Variants in ANKHD1 observed in about 807,000 individuals in gnomAD.
ANKHD1 encodes ankyrin repeat and KH domain containing 1, also known as ankyrin repeat and KH domain-containing protein 1.
A neutral mutation model predicts 230.5 loss-of-function variants in ANKHD1; 31 were observed. That is an observed-to-expected ratio of 0.13 (90% CI 0.10 to 0.18). ANKHD1 has a LOEUF of 0.18. ANKHD1 is among the 10% of genes least tolerant of loss of function. The pLI is 1.00. For synonymous variants in ANKHD1, 1,074 were observed against 1,117.6 expected, an observed-to-expected ratio of 0.96 and a Z score of 0.78; for missense variants, 2,256 against 3,071.3, an observed-to-expected ratio of 0.73 and a Z score of 6.27.
chr5:140,526,940 A>T lies in ANKHD1; in HGVS notation c.4953A>T (p.Glu1651Asp). The change falls in exon 27 of 34, where the codon GAA becomes GAT. Residue 1651 changes from glutamate (E) to aspartate (D), a missense_variant. Coordinates refer to ENST00000360839, the MANE Select transcript of ANKHD1 (RefSeq NM_017747.3). The part of the protein sequence containing the change: ...TSKTQTRLEG[E>D]VTPNSLSTSY... ...TGTCTCTTCTTAGACTTGAAGGTGA[A>T]GTGACTCCTAATTCCTTGTCAACCA... 1 of 1,610,512 alleles carries T rather than the reference A, an allele frequency of 6.2e-7. No individual in the cohort carries two copies. Among genetic ancestry groups the T allele is most frequent in the Non-Finnish European group, 8.5e-7 (1 of 1,178,930 alleles).
chr5:140,509,910 TAAGAA>T, intron 21 of ANKHD1, 98 bp downstream of exon 21: 1 of 1,543,596 alleles, frequency 6.5e-7, no homozygotes, highest in Non-Finnish European at 8.7e-7. Context: ...TTGATATTGT[TAAGAA>T]AAGATTATTT....
chr5:140,537,546 T>C lies in ANKHD1; in HGVS notation c.7185T>C (p.Val2395=). 1.2e-6 allele frequency: 2 copies of C among 1,608,268 alleles called. No individual in the cohort carries two copies. Among genetic ancestry groups the C allele is most frequent in the Non-Finnish European group, 1.7e-6 (2 of 1,176,998 alleles). ...CGGGGACCAGTTTTGTCGCTCCCGT[T>C]GGACACAGTGGAATCTGGTCATTTG... ...APAGTSFVAP[V]GHSGIWSFGV... is the part of the protein sequence containing the mutation. Residue 2395 remains valine, a synonymous_variant, in exon 31 of 34, where the codon GTT becomes GTC. Transcript: ENST00000360839.
At chr5:140,476,938 A>G (rs937903223) in intron 10 of ANKHD1, among the ~76,000 whole-genome samples, 19 of 152,160 alleles carry the variant, frequency 1.2e-4, no homozygotes, top group African/African-American at 3.4e-4. Flanking sequence ...TCAGGAGGAG[A>G]AGGTACTGAA....
At chr5:140,480,415 A>G (rs1300883328) in intron 10 of ANKHD1, among the ~76,000 whole-genome samples, 3 of 152,138 alleles carry the variant, frequency 2.0e-5, no homozygotes, top group African/African-American at 7.2e-5. Flanking sequence ...ATTCTAAATC[A>G]GGGCTGAAAG....
chr5:140,455,260 T>G (rs1775082067), intron 7 of ANKHD1, among the ~76,000 whole-genome samples: 1 of 152,144 alleles, frequency 6.6e-6, no homozygotes, highest in Admixed American at 6.6e-5. Flanking sequence ...ACCAGATGGA[T>G]TCACTGCTGA....
At chr5:140,445,559 A>G (rs201569439) in intron 5 of ANKHD1, among the ~76,000 whole-genome samples, 183 bp from the exon 6 acceptor site, 4 of 151,578 alleles carry the variant, frequency 2.6e-5, no homozygotes, top group Admixed American at 2.6e-4. Flanking sequence ...AACGAAAAAA[A>G]GTTGAGATAA....
At chr5:140,412,210 G>A (rs1770991738) in intron 1 of ANKHD1, among the ~76,000 whole-genome samples, 1 of 151,874 alleles carries the variant, frequency 6.6e-6, no homozygotes, top group South Asian at 2.1e-4. Context: ...CTAATTTGTT[G>A]TATTTTTAGT....
intron 1 of ANKHD1, among the ~76,000 whole-genome samples, chr5:140,435,896 C>A (rs566720624): frequency 1.8e-4 from 28 of 152,274 alleles, no homozygotes; most frequent in Admixed American, 5.9e-4. Context: ...GAGGAAACTT[C>A]AGTGTATGTG....
Position 140,496,630 on chromosome 5 carries a change from C to T in ANKHD1, c.2356C>T (p.Leu786=). Reference sequence around the variant, plus strand: ...CATAGTAGAGGAGACTGAAGGCAAGCTGAATGAACTGGGACAAAGAATTAG... The same window carrying T: ...CATAGTAGAGGAGACTGAAGGCAAGTTGAATGAACTGGGACAAAGAATTAG... ...ECIVEETEGK[L]NELGQRISAI... Residue 786 remains leucine, a synonymous_variant, in exon 15 of 34, where the codon CTG becomes TTG. Coordinates refer to ENST00000360839, the MANE Select transcript of ANKHD1 (RefSeq NM_017747.3). 1 of 1,613,650 alleles carries T rather than the reference C, an allele frequency of 6.2e-7. No homozygotes were observed. The highest frequency in any genetic ancestry group is 8.5e-7 in the Non-Finnish European group (1 of 1,179,944).
intron 24 of ANKHD1, among the ~76,000 whole-genome samples, chr5:140,518,963 G>A (rs1445317330): frequency 1.3e-5 from 2 of 152,068 alleles, no homozygotes; most frequent in African/African-American, 4.8e-5. Flanking sequence ...AGGAAATAAA[G>A]GGTATTCAAT....
intron 5 of ANKHD1, among the ~76,000 whole-genome samples, chr5:140,443,877 A>T (rs1318117492): frequency 6.6e-6 from 1 of 152,142 alleles, no homozygotes; most frequent in Non-Finnish European, 1.5e-5. Flanking sequence ...AGAGGAGTTG[A>T]TCTAAAGTAG....
At chr5:140,410,268 A>T (rs1339110236) in intron 1 of ANKHD1, among the ~76,000 whole-genome samples, 2 of 152,134 alleles carry the variant, frequency 1.3e-5, no homozygotes, top group Admixed American at 1.3e-4. Context: ...TGAAATTTTT[A>T]AATGGTAAAT....
rs1349815705 is a variant in ANKHD1, at chr5:140,507,992, G to A, written c.3759G>A (p.Arg1253=). ...ACCGAAAAGCCAATGTTGAACATAG[G>A]GCAAAGGTAAGCATTTTTTACTTGT... ...LLDRKANVEH[R]AKTGLTPLME... is the part of the protein sequence containing the mutation. The change falls in exon 20 of 34, where the codon AGG becomes AGA. Residue 1253 remains arginine (R), a synonymous_variant. Coordinates refer to ENST00000360839, the MANE Select transcript of ANKHD1 (RefSeq NM_017747.3). This position sits in a 1 kb window ranked among gnomAD's most constrained non-coding sequence, Gnocchi z 4.1. The A allele has an allele frequency of 1.9e-6, 3 of 1,610,524 alleles. No individual in the cohort carries two copies. Among genetic ancestry groups the A allele is most frequent in the Non-Finnish European group, 2.5e-6 (3 of 1,177,592 alleles).
chr5:140,509,959 A>G, intron 21 of ANKHD1, 60 bp from the exon 22 acceptor site: 1 of 1,552,000 alleles, frequency 6.4e-7, no homozygotes, highest in East Asian at 2.3e-5. Context: ...AGATAGAGAA[A>G]ACTAGAAAAA....
Position 140,485,297 on chromosome 5 carries a change from C to T in ANKHD1, c.1998+49C>T. The T allele has an allele frequency of 1.3e-6, 2 of 1,574,076 alleles. No individual in the cohort carries two copies. Among genetic ancestry groups the T allele is most frequent in the Non-Finnish European group, 1.7e-6 (2 of 1,154,954 alleles). On this transcript the variant is annotated intron_variant, in intron 12 of 33. Coordinates refer to ENST00000360839, the MANE Select transcript of ANKHD1 (RefSeq NM_017747.3). This position sits in a 1 kb window ranked among gnomAD's most constrained non-coding sequence, Gnocchi z 4.8. Reference sequence around the variant, plus strand: ...ACAGGCTGTGTGCGGTGGCTCATGTCTATGATCCCAGCACTTTAGAAAGCT... The same window carrying T: ...ACAGGCTGTGTGCGGTGGCTCATGTTTATGATCCCAGCACTTTAGAAAGCT...
At chr5:140,486,499 T>C (rs1385258997) in intron 13 of ANKHD1, 1 of 152,660 alleles carries the variant, frequency 6.6e-6, no homozygotes, top group African/African-American at 2.4e-5. Context: ...CCTTAAATTA[T>C]GGAGCTTTTA....
chr5:140,456,138 G>T (rs1298199555), intron 7 of ANKHD1, among the ~76,000 whole-genome samples: 1 of 151,908 alleles, frequency 6.6e-6, no homozygotes. Context: ...AAATACCTAG[G>T]AATCCAACTT....
chr5:140,528,612 G>C lies in ANKHD1; in HGVS notation c.5666G>C (p.Gly1889Ala), dbSNP rs775266693. The change falls in exon 29 of 34, where the codon GGA becomes GCA. Residue 1889 changes from glycine (G) to alanine (A), a missense_variant. Coordinates refer to ENST00000360839, the MANE Select transcript of ANKHD1 (RefSeq NM_017747.3). Reference sequence around the variant, plus strand: ...TTCTCACCTTCTCCTAACACATGGGGACCATTCCCAGTGAGACCTGTGAAT... The same window carrying C: ...TTCTCACCTTCTCCTAACACATGGGCACCATTCCCAGTGAGACCTGTGAAT... ...GTFSPSPNTW[G>A]PFPVRPVNPG... 1 of 1,614,106 alleles carries C rather than the reference G, an allele frequency of 6.2e-7. No individual in the cohort carries two copies. The highest frequency in any genetic ancestry group is 8.5e-7 in the Non-Finnish European group (1 of 1,180,030).
intron 6 of ANKHD1, among the ~76,000 whole-genome samples, chr5:140,446,242 A>G (rs1170034217): frequency 2.0e-5 from 3 of 152,216 alleles, no homozygotes; most frequent in African/African-American, 7.2e-5. Context: ...GAGGGTTTCC[A>G]TTATTTAATA....
Sources: allele counts gnomAD v4.1 joint callset (sites outside exome capture counted in the v4.1 genomes callset), GRCh38; gene constraint gnomAD v4.1.1; non-coding constraint Gnocchi (gnomAD v3.1); transcripts MANE v1.5; gene names NCBI Gene and HGNC (gene_info 2026-07-23, HGNC 2026-07-21).